WDHD1: variants seen among roughly 807,000 people sequenced by gnomAD.
WDHD1 encodes the protein WD repeat and HMG-box DNA binding protein 1.
WDHD1 carries 111 observed loss-of-function variants against 135.4 expected under a neutral mutation model. That is an observed-to-expected ratio of 0.82 (90% confidence interval 0.70 to 0.96). The LOEUF is 0.96. Ranked by LOEUF, WDHD1 falls within the 40% of genes least tolerant of loss-of-function variation. The pLI, the probability that WDHD1 is intolerant of heterozygous loss-of-function variation, is 0.00. For missense variants in WDHD1, 1,351 were observed against 1,336.3 expected, an observed-to-expected ratio of 1.01 and a Z score of -0.17; for synonymous variants, 434 against 439.0, an observed-to-expected ratio of 0.99 and a Z score of 0.14.
At chr14:55,009,234 T>G (rs868220056) in intron 4 of WDHD1, among the ~76,000 whole-genome samples, 2 of 152,222 alleles carry the variant, frequency 1.3e-5, no homozygotes, top group Non-Finnish European at 1.5e-5. Context: ...ATACAAACAC[T>G]TCCTAAATGG....
intron 25 of WDHD1, among the ~76,000 whole-genome samples, chr14:54,942,992 C>T (rs1216502207): frequency 3.9e-5 from 6 of 152,170 alleles, no homozygotes; most frequent in Non-Finnish European, 7.3e-5. Context: ...TTCTAAATGA[C>T]GCTAAAGGTG....
intron 2 of WDHD1, among the ~76,000 whole-genome samples, chr14:55,017,415 T>C (rs573128621): frequency 6.6e-6 from 1 of 152,146 alleles, no homozygotes; most frequent in Admixed American, 6.5e-5. Flanking sequence ...CCATCTCGGG[T>C]CACTGCAACC....
chr14:55,003,113 T>TA (rs2140216332), intron 7 of WDHD1, among the ~76,000 whole-genome samples: 1 of 152,290 alleles, frequency 6.6e-6, no homozygotes, highest in Admixed American at 6.5e-5. Flanking sequence ...AAACTTTATT[T>TA]TAAAAAATTT....
intron 24 of WDHD1, among the ~76,000 whole-genome samples, chr14:54,950,714 G>A (rs945107783): frequency 7.9e-5 from 12 of 151,956 alleles, no homozygotes; most frequent in South Asian, 4.2e-4. Context: ...GCACCACATC[G>A]CACTTATTCC....
intron 16 of WDHD1, among the ~76,000 whole-genome samples, chr14:54,975,832 C>G (rs2041516226): frequency 6.6e-6 from 1 of 151,918 alleles, no homozygotes; most frequent in South Asian, 2.1e-4. Flanking sequence ...GACACGCTCT[C>G]AAATGAATTT....
chr14:54,998,203 T>C (rs2041917529), intron 10 of WDHD1, among the ~76,000 whole-genome samples: 5 of 124,960 alleles, frequency 4.0e-5, no homozygotes. Context: ...AGACTTTGCC[T>C]CAAAGAAAAA....
In WDHD1 at chr14:54,981,553, G is replaced by A. The variant is rs543826540; in HGVS notation, c.2050C>T (p.Pro684Ser). The A allele has an allele frequency of 6.2e-7, 1 of 1,610,468 alleles. No individual in the cohort carries two copies. Among genetic ancestry groups the A allele is most frequent in the East Asian group, 2.2e-5 (1 of 44,620 alleles). ...HYWVVGIHEN[P>S]QQLRCIPCKG... ...TTAATAGCCCACCTTAGTTGCTGGG[G>A]ATTTTCATGGATACCAACCACCCAG... The change falls in exon 16 of 26, where the codon CCC becomes TCC. Residue 684 changes from proline to serine, a missense_variant. Physicochemically the swap from Pro to Ser is moderately conservative, Grantham distance 74. This residue lies in a region of WDHD1 where 1,330 missense variants were observed against 1,296.1 expected (regional missense o/e 1.03). Coordinates refer to ENST00000360586, the MANE Select transcript of WDHD1 (RefSeq NM_007086.4).
chr14:54,976,562 A>G (rs2041527619), intron 16 of WDHD1, among the ~76,000 whole-genome samples: 1 of 152,190 alleles, frequency 6.6e-6, no homozygotes, highest in Non-Finnish European at 1.5e-5. Flanking sequence ...GCTACTAAAA[A>G]AGTGATTGCA....
Position 55,000,565 on chromosome 14 carries a change from C to A in WDHD1, c.880G>T (p.Glu294Ter), listed in dbSNP as rs1048880180. Residue 294 changes from glutamate to a stop codon, truncating the protein, a stop_gained, in exon 10 of 26, where the codon GAA becomes TAA. Coordinates refer to ENST00000360586, the MANE Select transcript of WDHD1 (RefSeq NM_007086.4). LOFTEE classifies it high-confidence loss of function. ...TTCTCTAGAAGCCCTAGATTTCCTTCCGCATCAGTATACGATATTCGACCA... is the reference window on the plus strand; with the variant it reads ...TTCTCTAGAAGCCCTAGATTTCCTTACGCATCAGTATACGATATTCGACCA... Reference protein sequence around the residue: ...TCGRISYTDAEGNLGLLENVC... With the variant: ...TCGRISYTDA 23 of 1,609,922 alleles carry A rather than the reference C, an allele frequency of 1.4e-5. No individual in the cohort carries two copies. The highest frequency in any genetic ancestry group is 2.0e-5 in the Non-Finnish European group (23 of 1,177,898).
chr14:54,954,760 G>A (rs917651683), intron 24 of WDHD1, among the ~76,000 whole-genome samples: 16 of 151,966 alleles, frequency 1.1e-4, no homozygotes, highest in African/African-American at 3.1e-4. Flanking sequence ...ACAGAGTTTC[G>A]CTTTTGTTGC....
At chr14:54,980,982 G>A (rs764179070) in intron 16 of WDHD1, among the ~76,000 whole-genome samples, 62 of 151,572 alleles carry the variant, frequency 4.1e-4, no homozygotes, top group Non-Finnish European at 3.7e-4. Context: ...GTGATGGTGC[G>A]CACCTATAAT....
chr14:54,951,914 G>A (rs568277826), intron 24 of WDHD1, among the ~76,000 whole-genome samples: 8 of 152,200 alleles, frequency 5.3e-5, no homozygotes, highest in African/African-American at 1.9e-4. Flanking sequence ...AATAGATGCA[G>A]AAAAGGCCTG....
chr14:54,995,261 G>T (rs571189907), intron 11 of WDHD1, among the ~76,000 whole-genome samples: 1 of 152,244 alleles, frequency 6.6e-6, no homozygotes, highest in East Asian at 1.9e-4. Flanking sequence ...GATTATAGAC[G>T]TGAGCCACCG....
intron 11 of WDHD1, among the ~76,000 whole-genome samples, chr14:54,994,019 T>G (rs2140205978): frequency 6.6e-6 from 1 of 152,322 alleles, no homozygotes; most frequent in South Asian, 2.1e-4. Context: ...ACATTGGCAT[T>G]TTACTTGATA....
intron 3 of WDHD1, among the ~76,000 whole-genome samples, chr14:55,011,310 A>C (rs2042164271): frequency 6.6e-6 from 1 of 152,078 alleles, no homozygotes; most frequent in South Asian, 2.1e-4. Flanking sequence ...CGGGTGGATC[A>C]CGTGAGGTCA....
rs77561506 is a variant in WDHD1, at chr14:54,957,017, G to C, written c.2916+17C>G. 1 of 1,610,332 alleles carries C rather than the reference G, an allele frequency of 6.2e-7. No individual in the cohort carries two copies. The highest frequency in any genetic ancestry group is 8.5e-7 in the Non-Finnish European group (1 of 1,178,002). Reference sequence around the variant, plus strand: ...TCCCATGCTGCTTACTGCAGATGAGGGTAGCTGAAACAGTACCTGCTTAGG... The same window carrying C: ...TCCCATGCTGCTTACTGCAGATGAGCGTAGCTGAAACAGTACCTGCTTAGG... On this transcript the variant is annotated intron_variant, in intron 23 of 25. Coordinates refer to ENST00000360586, the MANE Select transcript of WDHD1 (RefSeq NM_007086.4).
chr14:55,023,700 T>C (rs1338775102), intron 2 of WDHD1, among the ~76,000 whole-genome samples: 1 of 152,214 alleles, frequency 6.6e-6, no homozygotes, highest in Non-Finnish European at 1.5e-5. Context: ...ATGAGCATCA[T>C]ACAGTGTTTT....
intron 13 of WDHD1, 52 bp downstream of exon 13, chr14:54,988,976 T>C: frequency 2.8e-6 from 4 of 1,416,378 alleles, no homozygotes; most frequent in Non-Finnish European, 3.8e-6. Flanking sequence ...TTTCAACAAC[T>C]GTATCTAACA....
At position 54,992,197 on chromosome 14, in the gene WDHD1, C is replaced by CA. The variant is rs141675860; in HGVS notation, c.1154-798dup. 1.2e-3 allele frequency among the ~76,000 whole-genome samples: 167 copies of CA among 145,004 alleles called. 1 individual carries two copies. In the South Asian group the frequency reaches 0.015, roughly 13 times the overall value. On this transcript the variant is annotated intron_variant, in intron 11 of 25. Coordinates refer to ENST00000360586, the MANE Select transcript of WDHD1 (RefSeq NM_007086.4). ...CGCTTGAACCCGGGAGACTCCGTCTCAAAAAAAAAAGAGCTGGGCACAGTG... is the reference window on the plus strand; with the variant it reads ...CGCTTGAACCCGGGAGACTCCGTCTCAAAAAAAAAAAGAGCTGGGCACAGTG...
Sources: gnomAD v4.1 joint callset for allele counts (sites outside exome capture counted in the v4.1 genomes callset) on GRCh38, gnomAD v4.1.1 for gene constraint, gnomAD v4.1.1 regional missense constraint, MANE v1.5 for transcripts, NCBI Gene and HGNC (gene_info 2026-07-23, HGNC 2026-07-21) for gene names.